BTRC: variants seen among roughly 807,000 people sequenced by gnomAD.
BTRC encodes the protein F-box/WD repeat-containing protein 1A.
A neutral mutation model predicts 85.5 loss-of-function variants in BTRC; 42 were observed. The observed-to-expected ratio is 0.49, with a 90% CI of 0.38 to 0.64. The LOEUF is 0.64. Ranked by LOEUF, BTRC falls within the 30% of genes least tolerant of loss-of-function variation. The pLI, the probability that BTRC is intolerant of heterozygous loss-of-function variation, is 0.00. For missense variants in BTRC, 594 were observed against 743.5 expected (o/e 0.80, Z 2.34); for synonymous variants, 255 against 263.3 (o/e 0.97, Z 0.30).
rs566549793 is a variant in BTRC at position 101,406,832 on chromosome 10, C to T, written c.49-23513C>T. Among the ~76,000 whole-genome samples the T allele has an allele frequency of 1.1e-4, 16 of 152,296 alleles. 1 individual carries two copies. Among genetic ancestry groups the T allele is most frequent in the African/African-American group, 3.8e-4 (16 of 41,566 alleles). Reference sequence around the variant, plus strand: ...TACAGGCGTGAGCCACCGTGCCCGGCCTCAGCTTTCTTATGACTGTTTTTA... The same window carrying T: ...TACAGGCGTGAGCCACCGTGCCCGGTCTCAGCTTTCTTATGACTGTTTTTA... On this transcript the variant is annotated intron_variant, in intron 1 of 14. Coordinates refer to ENST00000370187, the MANE Select transcript of BTRC (RefSeq NM_033637.4).
At chr10:101,441,825 C>G (rs7097657) in intron 2 of BTRC, among the ~76,000 whole-genome samples, 54,482 of 141,736 alleles carry the variant, frequency 0.38, 11,211 homozygotes, top group Middle Eastern at 0.55. Flanking sequence ...AGATAGCAGT[C>G]AGCCGAGATC....
intron 1 of BTRC, among the ~76,000 whole-genome samples, chr10:101,415,246 G>A (rs977137167): frequency 6.6e-6 from 1 of 151,698 alleles, no homozygotes; most frequent in Non-Finnish European, 1.5e-5. Context: ...TGAGATCTCG[G>A]CTTACTTCAG....
rs111734784 is a variant in BTRC at position 101,497,134 on chromosome 10, C to A, written c.324+17677C>A. Among the ~76,000 whole-genome samples, 584 of 152,242 alleles carry A rather than the reference C, an allele frequency of 3.8e-3. 6 individuals carry two copies. The highest frequency in any genetic ancestry group is 0.013 in the African/African-American group (547 of 41,544). ...ATTCTTTGTTTTCCAGTGTGATACCCAGTTGACCTAGCACCATTTATTGAA... is the reference window on the plus strand; with the variant it reads ...ATTCTTTGTTTTCCAGTGTGATACCAAGTTGACCTAGCACCATTTATTGAA... On this transcript the variant is annotated intron_variant, in intron 4 of 14. Transcript: ENST00000370187.
In BTRC at chr10:101,489,990, T is replaced by G. The variant is rs573761971; in HGVS notation, c.324+10533T>G. On this transcript the variant is annotated intron_variant, in intron 4 of 14. Coordinates refer to ENST00000370187, the MANE Select transcript of BTRC (RefSeq NM_033637.4). ...AAGTTCACCTTGGAGAAATTTTCAT[T>G]AGTCTAGTCCTTTGGCACTTACCCA... Among the ~76,000 whole-genome samples the G allele has an allele frequency of 5.9e-5, 9 of 152,270 alleles. No individual in the cohort carries two copies. The South Asian group carries it at 1.9e-3, about 32-fold the overall frequency.
chr10:101,529,460 TAAG>T (rs1355034682), intron 6 of BTRC, among the ~76,000 whole-genome samples: 2 of 152,138 alleles, frequency 1.3e-5, no homozygotes, highest in African/African-American at 4.8e-5. Flanking sequence ...ATAAAGTAGT[TAAG>T]AATGTGGGTG....
At chr10:101,357,858 A>C (rs933240259) in intron 1 of BTRC, among the ~76,000 whole-genome samples, 1 of 152,126 alleles carries the variant, frequency 6.6e-6, no homozygotes, top group African/African-American at 2.4e-5. Context: ...TTAAAAACAA[A>C]TAAATGATAT....
chr10:101,360,559 C>T (rs761447032), intron 1 of BTRC, among the ~76,000 whole-genome samples: 8 of 151,518 alleles, frequency 5.3e-5, no homozygotes, highest in East Asian at 3.9e-4. Context: ...TTTTTGTAGA[C>T]GGGGTTTCAC....
intron 1 of BTRC, among the ~76,000 whole-genome samples, chr10:101,367,364 G>T (rs867303826): frequency 2.0e-5 from 3 of 151,730 alleles, no homozygotes; most frequent in South Asian, 2.1e-4. Context: ...CACTCACTGC[G>T]CCTGGCCTAG....
intron 2 of BTRC, among the ~76,000 whole-genome samples, chr10:101,431,070 CTTTTTTTTTTTT>C (rs748703752): frequency 4.2e-5 from 3 of 71,294 alleles, no homozygotes; most frequent in East Asian, 8.0e-4. Flanking sequence ...CTCAGCCTTT[CTTTTTTTTTTTT>C]TTTTTTTTTT....
At chr10:101,497,975 G>A (rs903029210) in intron 4 of BTRC, among the ~76,000 whole-genome samples, 1 of 151,224 alleles carries the variant, frequency 6.6e-6, no homozygotes, top group Non-Finnish European at 1.5e-5. Context: ...AGCCGTGATC[G>A]TTCCACTGCA....
intron 8 of BTRC, 72 bp from the exon 9 acceptor site, chr10:101,532,880 G>A (rs537038909): frequency 1.3e-4 from 160 of 1,203,858 alleles, no homozygotes; most frequent in African/African-American, 1.2e-3. Flanking sequence ...GATCAGACAC[G>A]TAATAGGACC....
chr10:101,465,085 T>TTTGC (rs1308223746), intron 3 of BTRC, among the ~76,000 whole-genome samples: 6 of 152,166 alleles, frequency 3.9e-5, no homozygotes, highest in Non-Finnish European at 1.5e-5. Flanking sequence ...TGAAGTGCCA[T>TTTGC]TTGCTATTTT....
intron 3 of BTRC, among the ~76,000 whole-genome samples, chr10:101,465,063 A>G (rs1027044214): frequency 1.3e-5 from 2 of 152,130 alleles, no homozygotes; most frequent in Non-Finnish European, 2.9e-5. Flanking sequence ...TCTCTATTGC[A>G]TATGACAATA....
chr10:101,496,530 C>G (rs943416918), intron 4 of BTRC, among the ~76,000 whole-genome samples: 1 of 152,270 alleles, frequency 6.6e-6, no homozygotes. Context: ...GTCCTCTTGC[C>G]TCAGCCTCCC....
At chr10:101,537,155 T>C (rs2062398495) in intron 12 of BTRC, among the ~76,000 whole-genome samples, 1 of 152,218 alleles carries the variant, frequency 6.6e-6, no homozygotes, top group Non-Finnish European at 1.5e-5. Context: ...TTTATTTTCT[T>C]CTAATTTCTA....
At chr10:101,541,137 C>A (rs2062459123) in intron 13 of BTRC, among the ~76,000 whole-genome samples, 2 of 150,716 alleles carry the variant, frequency 1.3e-5, no homozygotes, top group African/African-American at 2.4e-5. Flanking sequence ...ACCTCCAGTA[C>A]AATGTTAAAA....
At position 101,438,285 on chromosome 10, in the gene BTRC, C is replaced by T. The variant is rs544301400; in HGVS notation, c.156+7833C>T. On this transcript the variant is annotated intron_variant, in intron 2 of 14. Transcript: ENST00000370187. ...ACTAAAAATACAAAAATTAGCCGGG[C>T]GTGGTGGTGGGCGCCTGTAGTCCCA... 3.4e-3 allele frequency among the ~76,000 whole-genome samples: 509 copies of T among 151,516 alleles called. 2 individuals carry two copies. The highest frequency in any genetic ancestry group is 0.012 in the African/African-American group (480 of 41,302).
chr10:101,448,667 C>A (rs1944886951), intron 2 of BTRC, among the ~76,000 whole-genome samples: 1 of 151,956 alleles, frequency 6.6e-6, no homozygotes, highest in South Asian at 2.1e-4. Context: ...CTAGTTTTTT[C>A]ATTTCTGTGG....
chr10:101,506,763 GA>G (rs1356183998), intron 4 of BTRC, among the ~76,000 whole-genome samples: 1 of 152,172 alleles, frequency 6.6e-6, no homozygotes, highest in African/African-American at 2.4e-5. Flanking sequence ...CTAAACAACT[GA>G]AGTTTACTTA....
Sources: allele counts gnomAD v4.1 joint callset (sites outside exome capture counted in the v4.1 genomes callset), GRCh38; gene constraint gnomAD v4.1.1; transcripts MANE v1.5; gene names NCBI Gene and HGNC (gene_info 2026-07-23, HGNC 2026-07-21).